The following TEX15 variants were observed in gnomAD, a reference collection of about 807,000 sequenced individuals.
TEX15 encodes the protein testis expressed 15, meiosis and synapsis associated.
TEX15 carries 171 observed loss-of-function variants against 237.3 expected under a neutral mutation model. The ratio of observed to expected loss-of-function variants is 0.72; its 90% CI spans 0.64 to 0.82. The LOEUF (loss-of-function observed/expected upper bound fraction) is 0.82. Among genes scored for constraint, TEX15 ranks in the 40% least tolerant of loss-of-function variants. The pLI, the probability that TEX15 is intolerant of heterozygous loss-of-function variation, is 0.00. For synonymous variants in TEX15, 1,338 were observed against 1,269.8 expected (o/e 1.05, Z -1.14); for missense variants, 3,750 against 3,646.5 (o/e 1.03, Z -0.73).
At chr8:30,863,281 T>C (rs184778240) in intron 5 of TEX15, among the ~76,000 whole-genome samples, 1 of 152,234 alleles carries the variant, frequency 6.6e-6, no homozygotes, top group Non-Finnish European at 1.5e-5. Context: ...TTTTGGGGCA[T>C]TTCAGATTTC....
At chr8:30,903,617 T>C (rs1173197091) in intron 1 of TEX15, among the ~76,000 whole-genome samples, 1 of 152,234 alleles carries the variant, frequency 6.6e-6, no homozygotes, top group East Asian at 1.9e-4. Context: ...ACAGGATAAC[T>C]TGCATCTTAT....
rs762739993 is a variant in TEX15 at position 30,848,552 on chromosome 8, A to G, written c.1615T>C (p.Ser539Pro). ...ACATTTGACACAGAAATTGGGAAGG[A>G]AAAATTACCTTGGTCCTTACATTGC... is the stretch of plus-strand genomic sequence containing the variant. ...AGQCKDQGNF[S>P]FPISVSNVVS... Residue 539 changes from serine to proline, a missense_variant, in exon 8 of 11, where the codon TCC (serine) becomes CCC (proline). Coordinates refer to ENST00000643185, the MANE Select transcript of TEX15 (RefSeq NM_001350162.2). The G allele has an allele frequency of 6.2e-7, 1 of 1,614,116 alleles. No individual in the cohort carries two copies. The highest frequency in any genetic ancestry group is 2.2e-5 in the East Asian group (1 of 44,876).
At chr8:30,841,348 G>C (rs760298233) in intron 8 of TEX15, among the ~76,000 whole-genome samples, 31 of 152,086 alleles carry the variant, frequency 2.0e-4, no homozygotes, top group Non-Finnish European at 2.6e-4. Flanking sequence ...GTTTAGATCT[G>C]GGTGCTCCCA....
intron 3 of TEX15, among the ~76,000 whole-genome samples, chr8:30,885,294 C>T (rs7005383): frequency 0.36 from 54,455 of 151,986 alleles, 14,944 homozygotes; most frequent in African/African-American, 0.77. Context: ...GATGACTGAA[C>T]TATGGGGGCA....
At chr8:30,905,701 C>T (rs1180405753) in intron 1 of TEX15, among the ~76,000 whole-genome samples, 1 of 105,100 alleles carries the variant, frequency 9.5e-6, no homozygotes, top group Non-Finnish European at 1.8e-5. Context: ...CCAGCCTGGG[C>T]AACATGGCGA....
At chr8:30,892,332 T>C (rs1028264216) in intron 2 of TEX15, among the ~76,000 whole-genome samples, 1 of 152,216 alleles carries the variant, frequency 6.6e-6, no homozygotes, top group African/African-American at 2.4e-5. Context: ...CTGGGCTCTG[T>C]TTCATTGGTG....
Position 30,847,657 on chromosome 8 carries a change from T to C in TEX15, c.2510A>G (p.His837Arg). The change falls in exon 8 of 11, where the codon CAC becomes CGC. Residue 837 changes from histidine to arginine, a missense_variant. Transcript: ENST00000643185. ...TAYVEDRGQD[H>R]NLFCNSQLSN... ...TAACTGTGAATTACAGAACAGATTG[T>C]GATCCTGACCCCTATCTTCAACATA... is the stretch of plus-strand genomic sequence containing the variant. 1 of 1,613,848 alleles carries C rather than the reference T, an allele frequency of 6.2e-7. No individual in the cohort carries two copies.
In TEX15 at chr8:30,842,712, C is replaced by A; in HGVS notation, c.7455G>T (p.Leu2485=). 1 of 1,613,368 alleles carries A rather than the reference C, an allele frequency of 6.2e-7. No individual in the cohort carries two copies. Among genetic ancestry groups the A allele is most frequent in the African/African-American group, 1.3e-5 (1 of 75,014 alleles). ...AAGCCATTTTTTCTTGGCACTGAAC[C>A]AGCTCAGGAAGAAGTGACAAATCAA... is the stretch of plus-strand genomic sequence containing the variant. ...LWFDLSLLPE[L]VQCQEKMASF... Residue 2485 remains leucine (L), a synonymous_variant, in exon 8 of 11, where the codon CTG becomes CTT. Coordinates refer to ENST00000643185, the MANE Select transcript of TEX15 (RefSeq NM_001350162.2).
chr8:30,899,352 T>A (rs1056281145), intron 1 of TEX15, among the ~76,000 whole-genome samples: 4 of 152,166 alleles, frequency 2.6e-5, no homozygotes, highest in African/African-American at 9.7e-5. Context: ...AAGAAACTTA[T>A]CCGAGGTAAC....
chr8:30,895,188 AT>A (rs1808873224), intron 2 of TEX15, among the ~76,000 whole-genome samples: 1 of 151,768 alleles, frequency 6.6e-6, no homozygotes, highest in Admixed American at 6.6e-5. Context: ...ACCAAAAAAA[AT>A]ATGTAGTATA....
chr8:30,851,139 T>C (rs1450443157), intron 7 of TEX15, among the ~76,000 whole-genome samples: 2 of 152,228 alleles, frequency 1.3e-5, no homozygotes, highest in Non-Finnish European at 2.9e-5. Flanking sequence ...GATAAACTTG[T>C]ATAAATACCC....
At chr8:30,895,927 C>G (rs956638666) in intron 2 of TEX15, among the ~76,000 whole-genome samples, 1 of 152,072 alleles carries the variant, frequency 6.6e-6, no homozygotes, top group South Asian at 2.1e-4. Context: ...GATCCATCCA[C>G]CTTGGCCTCC....
intron 10 of TEX15, among the ~76,000 whole-genome samples, chr8:30,834,832 G>C (rs1660391602): frequency 6.6e-6 from 1 of 152,182 alleles, no homozygotes; most frequent in South Asian, 2.1e-4. Context: ...CTCCAAAGCA[G>C]AGGAGCTGAT....
intron 4 of TEX15, among the ~76,000 whole-genome samples, chr8:30,870,773 T>C (rs1297371405): frequency 6.6e-6 from 1 of 152,082 alleles, no homozygotes; most frequent in East Asian, 1.9e-4. Context: ...CTTTGTTTCC[T>C]TTGCTGTTAT....
At chr8:30,909,189 AATT>A (rs1809168940) in intron 1 of TEX15, among the ~76,000 whole-genome samples, 1 of 152,154 alleles carries the variant, frequency 6.6e-6, no homozygotes, top group African/African-American at 2.4e-5. Flanking sequence ...AAAATCTTCA[AATT>A]TAGTTACAGT....
At position 30,844,161 on chromosome 8, in the gene TEX15, T is replaced by G; in HGVS notation, c.6006A>C (p.Gln2002His). 4 of 1,613,038 alleles carry G rather than the reference T, an allele frequency of 2.5e-6. No individual in the cohort carries two copies. The highest frequency in any genetic ancestry group is 3.4e-6 in the Non-Finnish European group (4 of 1,179,506). The change falls in exon 8 of 11, where the codon CAA becomes CAC. Residue 2002 changes from glutamine (Q) to histidine (H), a missense_variant. Coordinates refer to ENST00000643185, the MANE Select transcript of TEX15 (RefSeq NM_001350162.2). ...NHTALIANLSQILQRADEASS... is the reference protein window; with the variant it reads ...NHTALIANLSHILQRADEASS... ...ATGCTTCATCTGCCCTCTGCAAAATTTGAGATAGATTAGCTATAAGGGCCG... is the reference window on the plus strand; with the variant it reads ...ATGCTTCATCTGCCCTCTGCAAAATGTGAGATAGATTAGCTATAAGGGCCG...
At chr8:30,854,376 C>A in intron 7 of TEX15, among the ~76,000 whole-genome samples, 1 of 151,120 alleles carries the variant, frequency 6.6e-6, no homozygotes, top group Non-Finnish European at 1.5e-5. Context: ...CAAATGTATG[C>A]TAATAAATTA....
Position 30,844,380 on chromosome 8 carries a change from T to C in TEX15, c.5787A>G (p.Lys1929=). The change falls in exon 8 of 11, where the codon AAA becomes AAG. Residue 1929 remains lysine (K), a synonymous_variant. Transcript: ENST00000643185. ...LNKREKKGEI[K]VSKDSQSDLT... ...AGTCAGACTGCGAGTCTTTACTAACTTTAATTTCCCCCTTCTTCTCTCTTT... is the reference window on the plus strand; with the variant it reads ...AGTCAGACTGCGAGTCTTTACTAACCTTAATTTCCCCCTTCTTCTCTCTTT... 6.2e-7 allele frequency: 1 copy of C among 1,610,230 alleles called. No individual in the cohort carries two copies. Among genetic ancestry groups the C allele is most frequent in the Non-Finnish European group, 8.5e-7 (1 of 1,178,558 alleles).
At position 30,847,957 on chromosome 8, in the gene TEX15, G is replaced by T. The variant is rs1266319313; in HGVS notation, c.2210C>A (p.Thr737Lys). 1 of 1,613,928 alleles carries T rather than the reference G, an allele frequency of 6.2e-7. No individual in the cohort carries two copies. The highest frequency in any genetic ancestry group is 1.1e-5 in the South Asian group (1 of 91,066). Residue 737 changes from threonine (T) to lysine (K), a missense_variant, in exon 8 of 11, where the codon ACA (threonine) becomes AAA (lysine). Thr to Lys is a moderately conservative substitution (Grantham distance 78). Transcript: ENST00000643185. ...TAGCTTTTGAGCAATGGCTAAACTTGTATGAATGTTACCCTCATACTCCAC... is the reference window on the plus strand; with the variant it reads ...TAGCTTTTGAGCAATGGCTAAACTTTTATGAATGTTACCCTCATACTCCAC... ...HSVEYEGNIH[T>K]SLAIAQKLME...
Sources: gnomAD v4.1 joint callset for allele counts (sites outside exome capture counted in the v4.1 genomes callset) on GRCh38, gnomAD v4.1.1 for gene constraint, MANE v1.5 for transcripts, NCBI Gene and HGNC (gene_info 2026-07-23, HGNC 2026-07-21) for gene names.